The following SLC2A13 variants were observed in gnomAD, a reference collection of about 807,000 sequenced individuals.
SLC2A13 encodes proton myo-inositol cotransporter.
In SLC2A13, 32 loss-of-function variants were observed where a neutral mutation model predicts 64.4. The observed-to-expected ratio is 0.50, with a 90% CI of 0.37 to 0.67. The LOEUF (loss-of-function observed/expected upper bound fraction) is 0.67. SLC2A13 is among the 30% of genes least tolerant of loss of function. The pLI is 0.00. For synonymous variants in SLC2A13, 338 were observed against 327.1 expected, an observed-to-expected ratio of 1.03 and a Z score of -0.36; for missense variants, 743 against 829.2, an observed-to-expected ratio of 0.90 and a Z score of 1.28.
chr12:40,068,587 T>C, intron 1 of SLC2A13: 1 of 177,932 alleles, frequency 5.6e-6, no homozygotes, highest in Non-Finnish European at 1.3e-5. Context: ...TTTGCCACCA[T>C]CATATTCCTG....
At chr12:40,008,544 G>A (rs1026869997) in intron 3 of SLC2A13, among the ~76,000 whole-genome samples, 2 of 151,804 alleles carry the variant, frequency 1.3e-5, no homozygotes, top group Non-Finnish European at 2.9e-5. Context: ...CCAGGAGGCG[G>A]AGCTCGCTGT....
At chr12:40,089,802 C>A (rs902755276) in intron 1 of SLC2A13, among the ~76,000 whole-genome samples, 1 of 152,098 alleles carries the variant, frequency 6.6e-6, no homozygotes, top group Non-Finnish European at 1.5e-5. Flanking sequence ...TAGTTTTTAA[C>A]AGCATTCCAG....
At chr12:39,848,839 C>A (rs1372763974) in intron 6 of SLC2A13, among the ~76,000 whole-genome samples, 3 of 152,066 alleles carry the variant, frequency 2.0e-5, no homozygotes, top group Non-Finnish European at 4.4e-5. Context: ...TATTATGCAT[C>A]CATAAAAAAG....
intron 4 of SLC2A13, among the ~76,000 whole-genome samples, chr12:39,909,369 T>C (rs545339177): frequency 2.6e-5 from 4 of 152,112 alleles, no homozygotes; most frequent in African/African-American, 9.6e-5. Flanking sequence ...AATAACAAAA[T>C]ATGAACAGCT....
intron 6 of SLC2A13, among the ~76,000 whole-genome samples, chr12:39,839,128 T>C (rs1943109715): frequency 6.6e-6 from 1 of 152,078 alleles, no homozygotes; most frequent in African/African-American, 2.4e-5. Flanking sequence ...TACTATCCCC[T>C]TCCTCACTGC....
chr12:40,031,379 C>T (rs1016259677), intron 2 of SLC2A13, among the ~76,000 whole-genome samples: 3 of 152,136 alleles, frequency 2.0e-5, no homozygotes, highest in Non-Finnish European at 4.4e-5. Flanking sequence ...CGTGCCACCA[C>T]GCCTGGCTAA....
At chr12:39,775,505 C>T (rs1035032924) in intron 7 of SLC2A13, among the ~76,000 whole-genome samples, 1 of 152,196 alleles carries the variant, frequency 6.6e-6, no homozygotes, top group Non-Finnish European at 1.5e-5. Flanking sequence ...GGAGGGTCCA[C>T]GTTAGCATTT....
At chr12:40,048,313 G>T in intron 1 of SLC2A13, 103 bp from the exon 2 acceptor site, 1 of 1,156,346 alleles carries the variant, frequency 8.6e-7, no homozygotes. Context: ...TATGGGCTTG[G>T]TTTTCTACTT....
chr12:39,862,288 T>G (rs1253235237), intron 6 of SLC2A13, among the ~76,000 whole-genome samples: 6 of 152,262 alleles, frequency 3.9e-5, no homozygotes, highest in African/African-American at 1.4e-4. Flanking sequence ...TGGCCTGGTA[T>G]GCAACCAATA....
intron 7 of SLC2A13, among the ~76,000 whole-genome samples, chr12:39,824,790 GT>G (rs1328941440): frequency 6.6e-6 from 1 of 152,104 alleles, no homozygotes; most frequent in Non-Finnish European, 1.5e-5. Context: ...AATAAGCATT[GT>G]TTTCTGGGGC....
At chr12:39,973,343 A>G (rs1308053828) in intron 3 of SLC2A13, among the ~76,000 whole-genome samples, 1 of 152,158 alleles carries the variant, frequency 6.6e-6, no homozygotes, top group Non-Finnish European at 1.5e-5. Flanking sequence ...TTACTTCTGT[A>G]TCATTGGAAG....
At chr12:39,809,197 GT>G (rs1316516398) in intron 7 of SLC2A13, among the ~76,000 whole-genome samples, 3 of 151,932 alleles carry the variant, frequency 2.0e-5, no homozygotes, top group Admixed American at 2.0e-4. Flanking sequence ...GATTAATTTG[GT>G]TTTTTTATTG....
chr12:39,759,777 G>T lies in SLC2A13; in HGVS notation c.*249C>A. Reference sequence around the variant, plus strand: ...ATTCATTTTAGACTATTTCAGGAAGGCATTACACACATTTGCTTAAGAATT... The same window carrying T: ...ATTCATTTTAGACTATTTCAGGAAGTCATTACACACATTTGCTTAAGAATT... On this transcript the variant is annotated 3_prime_UTR_variant, in exon 10 of 10. Coordinates refer to ENST00000280871, the MANE Select transcript of SLC2A13 (RefSeq NM_052885.4). 1 of 448,144 alleles carries T rather than the reference G, an allele frequency of 2.2e-6. No homozygotes were observed. Among genetic ancestry groups the T allele is most frequent in the Non-Finnish European group, 4.0e-6 (1 of 250,862 alleles). 27.8% of individuals were successfully genotyped at this position (448,144 alleles called of 1,614,324 possible).
Position 39,839,844 on chromosome 12 carries a change from C to A in SLC2A13, c.1320-9616G>T, listed in dbSNP as rs574901517. On this transcript the variant is annotated intron_variant, in intron 6 of 9. Coordinates refer to ENST00000280871, the MANE Select transcript of SLC2A13 (RefSeq NM_052885.4). Reference sequence around the variant, plus strand: ...AATTGCCCAGTTATCTGGATGTTTTCCAAGTGTCTCAAACTCAACAACCTA... The same window carrying A: ...AATTGCCCAGTTATCTGGATGTTTTACAAGTGTCTCAAACTCAACAACCTA... 4.6e-5 allele frequency among the ~76,000 whole-genome samples: 7 copies of A among 152,182 alleles called. No homozygotes were observed. The South Asian group carries it at 1.2e-3, about 27-fold the overall frequency.
chr12:40,043,951 TAAA>T (rs1948134099), intron 2 of SLC2A13, among the ~76,000 whole-genome samples: 3 of 152,176 alleles, frequency 2.0e-5, no homozygotes, highest in South Asian at 4.1e-4. Context: ...CTCAAAAACC[TAAA>T]TACAGTTATC....
intron 1 of SLC2A13, among the ~76,000 whole-genome samples, chr12:40,104,461 G>A (rs896219798): frequency 1.3e-5 from 2 of 152,134 alleles, no homozygotes; most frequent in Admixed American, 6.5e-5. Context: ...TTTATCTTGC[G>A]GGGCATTTAT....
At chr12:39,985,296 G>A (rs1403842743) in intron 3 of SLC2A13, among the ~76,000 whole-genome samples, 1 of 152,006 alleles carries the variant, frequency 6.6e-6, no homozygotes, top group Non-Finnish European at 1.5e-5. Flanking sequence ...TTACTGTTAT[G>A]CCTATATCTG....
intron 3 of SLC2A13, among the ~76,000 whole-genome samples, chr12:39,974,097 T>G (rs1946720485): frequency 6.6e-6 from 1 of 151,950 alleles, no homozygotes; most frequent in African/African-American, 2.4e-5. Flanking sequence ...TGACAATGTA[T>G]CAGCACTTGC....
At chr12:39,932,905 G>A (rs1308644553) in intron 4 of SLC2A13, among the ~76,000 whole-genome samples, 1 of 151,914 alleles carries the variant, frequency 6.6e-6, no homozygotes, top group Non-Finnish European at 1.5e-5. Flanking sequence ...GAAGATGGGG[G>A]ACAAGCAGGC....
Sources: gnomAD v4.1 joint callset for allele counts (sites outside exome capture counted in the v4.1 genomes callset) on GRCh38, gnomAD v4.1.1 for gene constraint, MANE v1.5 for transcripts, NCBI Gene and HGNC (gene_info 2026-07-23, HGNC 2026-07-21) for gene names.